Variants in PDZRN4 observed in about 807,000 individuals in gnomAD.
PDZRN4 encodes the protein PDZ domain containing ring finger 4.
In PDZRN4, 70 loss-of-function variants were observed where a neutral mutation model predicts 99.0. The observed-to-expected ratio is 0.71, with a 90% CI of 0.58 to 0.86. PDZRN4 has a LOEUF of 0.86. Ranked by LOEUF, PDZRN4 falls within the 40% of genes least tolerant of loss-of-function variation. The pLI is 0.00. For missense variants in PDZRN4, 1,474 were observed against 1,331.2 expected (o/e 1.11, Z -1.67); for synonymous variants, 551 against 501.6 (o/e 1.10, Z -1.32).
At chr12:41,200,205 T>C (rs1422164083) in intron 3 of PDZRN4, among the ~76,000 whole-genome samples, 1 of 152,090 alleles carries the variant, frequency 6.6e-6, no homozygotes, top group Non-Finnish European at 1.5e-5. Context: ...CAGGAAAGGA[T>C]GCAGGTGTTA....
chr12:41,562,404 G>C (rs1012426908), intron 7 of PDZRN4, among the ~76,000 whole-genome samples: 10 of 152,082 alleles, frequency 6.6e-5, no homozygotes, highest in Non-Finnish European at 1.3e-4. Flanking sequence ...ATGCTTTTAA[G>C]CAGAAGTCCT....
chr12:41,369,463 A>C (rs7965327), intron 3 of PDZRN4, among the ~76,000 whole-genome samples: 71,938 of 151,716 alleles, frequency 0.47, 17,829 homozygotes, highest in Middle Eastern at 0.66. Context: ...ACCCTTTAAA[A>C]CTATTTTGTT....
chr12:41,516,167 C>T (rs570721610), intron 5 of PDZRN4, among the ~76,000 whole-genome samples: 3 of 152,180 alleles, frequency 2.0e-5, no homozygotes, highest in Admixed American at 1.3e-4. Context: ...CACCACTGAA[C>T]TCCCACACCG....
chr12:41,402,331 GTGTGTATATATATATATACACAC>G (rs1952300368), intron 3 of PDZRN4, among the ~76,000 whole-genome samples: 2 of 2 alleles, frequency 1, 1 homozygote, highest in African/African-American at 1. Context: ...TACACACACT[GTGTGTATATATATATATACACAC>G]AGTGTGTATA....
chr12:41,350,989 C>T (rs1488416028), intron 3 of PDZRN4, among the ~76,000 whole-genome samples: 4 of 152,088 alleles, frequency 2.6e-5, no homozygotes, highest in Non-Finnish European at 4.4e-5. Context: ...TCTAGATAGG[C>T]TTCAATATCT....
intron 3 of PDZRN4, among the ~76,000 whole-genome samples, chr12:41,459,718 G>A (rs1051981749): frequency 6.6e-6 from 1 of 152,240 alleles, no homozygotes. Context: ...ATGCTTATTA[G>A]ACACTATAAA....
At chr12:41,420,413 A>G (rs942911685) in intron 3 of PDZRN4, among the ~76,000 whole-genome samples, 4 of 152,116 alleles carry the variant, frequency 2.6e-5, no homozygotes, top group Non-Finnish European at 5.9e-5. Context: ...TCTTCTTGCC[A>G]TTACAAACTT....
chr12:41,247,033 C>T (rs977438900), intron 3 of PDZRN4, among the ~76,000 whole-genome samples: 2 of 151,784 alleles, frequency 1.3e-5, no homozygotes, highest in Non-Finnish European at 2.9e-5. Context: ...TCAAATTCAA[C>T]AAATATATTG....
intron 3 of PDZRN4, among the ~76,000 whole-genome samples, chr12:41,348,546 A>C (rs569982935): frequency 6.6e-6 from 1 of 152,216 alleles, no homozygotes; most frequent in African/African-American, 2.4e-5. Flanking sequence ...TGCCAGTTTC[A>C]TTTAAGAATG....
At chr12:41,477,903 A>G in intron 3 of PDZRN4, 1 of 1,551,238 alleles carries the variant, frequency 6.4e-7, no homozygotes, top group Admixed American at 1.9e-5. Flanking sequence ...GGCATTGTTG[A>G]CATGTTGGCC....
At chr12:41,471,728 A>G (rs1952992614) in intron 3 of PDZRN4, among the ~76,000 whole-genome samples, 1 of 150,970 alleles carries the variant, frequency 6.6e-6, no homozygotes, top group Admixed American at 6.6e-5. Flanking sequence ...AATCATTATA[A>G]TAATTATTAG....
At chr12:41,395,075 C>A (rs565940154) in intron 3 of PDZRN4, among the ~76,000 whole-genome samples, 1 of 152,212 alleles carries the variant, frequency 6.6e-6, no homozygotes, top group East Asian at 1.9e-4. Context: ...GCTAAATACA[C>A]CCACCCCTGT....
At chr12:41,374,377 A>G (rs1338247290) in intron 3 of PDZRN4, among the ~76,000 whole-genome samples, 2 of 152,148 alleles carry the variant, frequency 1.3e-5, no homozygotes, top group African/African-American at 2.4e-5. Flanking sequence ...GGATAGTGAC[A>G]GTGCATGATC....
chr12:41,487,757 T>C (rs1327134532), intron 3 of PDZRN4, among the ~76,000 whole-genome samples: 1 of 152,184 alleles, frequency 6.6e-6, no homozygotes, highest in Non-Finnish European at 1.5e-5. Flanking sequence ...ACAGATTCTG[T>C]CACACTTGAT....
At chr12:41,495,814 C>G (rs1937989302) in intron 3 of PDZRN4, among the ~76,000 whole-genome samples, 1 of 152,210 alleles carries the variant, frequency 6.6e-6, no homozygotes, top group South Asian at 2.1e-4. Flanking sequence ...AGGACTTACT[C>G]TTTCATGCCT....
intron 7 of PDZRN4, among the ~76,000 whole-genome samples, chr12:41,562,638 A>T (rs966385331): frequency 1.3e-5 from 2 of 152,102 alleles, no homozygotes; most frequent in African/African-American, 4.8e-5. Flanking sequence ...TAAATATCCA[A>T]AGGAAAAAGT....
intron 5 of PDZRN4, among the ~76,000 whole-genome samples, chr12:41,542,101 T>A (rs1344664432): frequency 6.6e-6 from 1 of 152,218 alleles, no homozygotes; most frequent in African/African-American, 2.4e-5. Context: ...GGTCACCCCG[T>A]CCTTATGGAT....
At chr12:41,319,940 T>G (rs2120970790) in intron 3 of PDZRN4, among the ~76,000 whole-genome samples, 1 of 152,296 alleles carries the variant, frequency 6.6e-6, no homozygotes, top group South Asian at 2.1e-4. Context: ...GCTGCTTGTC[T>G]TGGGTTGGCC....
At chr12:41,301,601 T>C (rs142297782) in intron 3 of PDZRN4, among the ~76,000 whole-genome samples, 10 of 152,218 alleles carry the variant, frequency 6.6e-5, no homozygotes, top group Non-Finnish European at 1.5e-5. Context: ...TTATTGCAGT[T>C]AATCATACTA....
Sources: allele counts gnomAD v4.1 joint callset (sites outside exome capture counted in the v4.1 genomes callset), GRCh38; gene constraint gnomAD v4.1.1; transcripts MANE v1.5; gene names NCBI Gene and HGNC (gene_info 2026-07-23, HGNC 2026-07-21).